The following PRKX variants were observed in gnomAD, a reference collection of about 807,000 sequenced individuals.
The protein encoded by PRKX is protein kinase cAMP-dependent X-linked catalytic subunit.
A neutral mutation model predicts 22.0 loss-of-function variants in PRKX; 12 were observed. The observed-to-expected ratio is 0.54, with a 90% confidence interval of 0.35 to 0.88. The LOEUF is 0.88. Ranked by LOEUF, PRKX falls within the 40% of genes least tolerant of loss-of-function variation. PRKX has a pLI of 0.01. For synonymous variants in PRKX, 134 were observed against 137.7 expected, an observed-to-expected ratio of 0.97 and a Z score of 0.19; for missense variants, 217 against 308.0, an observed-to-expected ratio of 0.70 and a Z score of 2.21.
chrX:3,671,797 G>C (rs776107162), intron 2 of PRKX, among the ~76,000 whole-genome samples: 13 of 110,767 alleles, frequency 1.2e-4, no homozygotes, highest in South Asian at 3.9e-4. Flanking sequence ...AGACTAGCCT[G>C]GGCAGCAAAG....
At chrX:3,693,956 A>G (rs1286991179) in intron 1 of PRKX, among the ~76,000 whole-genome samples, 13 of 107,430 alleles carry the variant, frequency 1.2e-4, no homozygotes, top group Non-Finnish European at 2.1e-4. Context: ...AAAAAAAAAA[A>G]AAAGAAAAGA....
intron 4 of PRKX, among the ~76,000 whole-genome samples, chrX:3,628,492 T>A (rs1463722813): frequency 2.7e-5 from 3 of 112,006 alleles, no homozygotes; most frequent in Non-Finnish European, 5.6e-5. Flanking sequence ...AGCATCACTG[T>A]CTACCCCATG....
intron 1 of PRKX, among the ~76,000 whole-genome samples, chrX:3,685,780 G>A (rs866658517): frequency 2.7e-5 from 3 of 110,544 alleles, no homozygotes; most frequent in Non-Finnish European, 5.7e-5. Flanking sequence ...GCTCGGTGGC[G>A]CATGTCTGTA....
At chrX:3,616,408 G>A (rs1381962237) in intron 6 of PRKX, among the ~76,000 whole-genome samples, 1 of 111,348 alleles carries the variant, frequency 9.0e-6, no homozygotes, top group Non-Finnish European at 1.9e-5. Flanking sequence ...AACAAGGTGC[G>A]TTCAAGTCGG....
Position 3,641,947 on chromosome X carries a change from G to A in PRKX, c.624C>T (p.Pro208=), listed in dbSNP as rs780690113. 65 of 799,926 alleles carry A rather than the reference G, an allele frequency of 8.1e-5. 1 individual carries two copies. Among genetic ancestry groups the A allele is most frequent in the Admixed American group, 1.4e-4 (4 of 27,925 alleles). The allele number at this position is 799,926 out of a possible 1,213,427, so 65.9% of individuals were successfully genotyped here. Residue 208 remains proline (P), a synonymous_variant, in exon 4 of 9, where the codon CCC becomes CCT. Transcript: ENST00000262848. The part of the protein sequence containing the change: ...VDRTWTLCGT[P]EYLAPEVIQS... ...GAATGACTTCGGGGGCTAGGTACTC[G>A]GGTGTTCCACAGAGGGTCCAAGTCC... is the stretch of plus-strand genomic sequence containing the variant.
At chrX:3,651,388 A>G (rs775119968) in intron 3 of PRKX, among the ~76,000 whole-genome samples, 1 of 112,407 alleles carries the variant, frequency 8.9e-6, no homozygotes, top group Non-Finnish European at 1.9e-5. Context: ...TTTTCTTTGA[A>G]TTAGACTTGC....
At chrX:3,706,604 G>A (rs534521096) in intron 1 of PRKX, among the ~76,000 whole-genome samples, 37 of 112,114 alleles carry the variant, frequency 3.3e-4, no homozygotes, top group South Asian at 1.5e-3. Context: ...TCATGCCTTC[G>A]CCCTCCTTTG....
At chrX:3,659,724 TTTTTG>T (rs1419776538) in intron 2 of PRKX, among the ~76,000 whole-genome samples, 1 of 26,987 alleles carries the variant, frequency 3.7e-5, no homozygotes, top group Non-Finnish European at 5.8e-5. Context: ...TTTGTTTTTT[TTTTTG>T]TTTTTTTTTT....
Position 3,605,479 on chromosome X carries a change from G to T in PRKX, c.*3490C>A. 9.0e-6 allele frequency: 1 copy of T among 111,148 alleles called. No individual in the cohort carries two copies. Among genetic ancestry groups the T allele is most frequent in the South Asian group, 3.9e-4 (1 of 2,592 alleles). The allele number at this position is 111,148 out of a possible 1,213,427, so 9.2% of individuals were successfully genotyped here. A position where few individuals can be genotyped will look rare whatever the true frequency, so the allele number is the denominator to read the frequency against. ...ACCTGGCTACAGAGTGGAGCCTTGGGGTCTTTAACAGTATTAAGCCATAGT... is the reference window on the plus strand; with the variant it reads ...ACCTGGCTACAGAGTGGAGCCTTGGTGTCTTTAACAGTATTAAGCCATAGT... On this transcript the variant is annotated 3_prime_UTR_variant, in exon 9 of 9. Transcript: ENST00000262848.
intron 1 of PRKX, among the ~76,000 whole-genome samples, chrX:3,705,112 C>T (rs1928655935): frequency 9.0e-6 from 1 of 111,676 alleles, no homozygotes; most frequent in South Asian, 3.8e-4. Context: ...CAAAACACGG[C>T]AGACTGGGGC....
At chrX:3,665,516 A>G (rs1232708016) in intron 2 of PRKX, among the ~76,000 whole-genome samples, 1 of 110,919 alleles carries the variant, frequency 9.0e-6, no homozygotes, top group Non-Finnish European at 1.9e-5. Flanking sequence ...GTATTCAAGC[A>G]GCTGAAATCA....
At chrX:3,655,506 A>G (rs758821550) in intron 2 of PRKX, 94 bp from the exon 3 acceptor site, 10 of 1,008,872 alleles carry the variant, frequency 9.9e-6, no homozygotes, top group Non-Finnish European at 1.4e-5. Context: ...GCAGCTAGAT[A>G]CCAAAATGTG....
chrX:3,678,229 A>C (rs1470402737), intron 1 of PRKX, among the ~76,000 whole-genome samples: 2 of 112,286 alleles, frequency 1.8e-5, no homozygotes, highest in Non-Finnish European at 3.8e-5. Flanking sequence ...TTCCAACAGA[A>C]CTTGCATATT....
At chrX:3,701,532 G>T (rs1177470221) in intron 1 of PRKX, among the ~76,000 whole-genome samples, 3 of 112,417 alleles carry the variant, frequency 2.7e-5, no homozygotes, top group Non-Finnish European at 5.6e-5. Context: ...TGCGATCTTT[G>T]AAGAATAATT....
intron 8 of PRKX, chrX:3,610,860 A>C (rs764253591): frequency 1.8e-5 from 2 of 111,946 alleles, no homozygotes; most frequent in African/African-American, 6.5e-5. Flanking sequence ...GGAGAGACAC[A>C]ATTTGTAAGA....
chrX:3,633,265 A>C (rs1320564602), intron 4 of PRKX, among the ~76,000 whole-genome samples: 24 of 106,250 alleles, frequency 2.3e-4, no homozygotes, highest in African/African-American at 5.5e-4. Context: ...AGAAAAAAAA[A>C]AAAAACAAAA....
At chrX:3,619,729 A>G (rs2160663) in intron 6 of PRKX, among the ~76,000 whole-genome samples, 8,360 of 111,166 alleles carry the variant, frequency 0.075, 273 homozygotes, top group African/African-American at 0.12. Flanking sequence ...AGGATGGGGA[A>G]AGCAGAAATT....
At chrX:3,637,306 T>A (rs1437899130) in intron 4 of PRKX, among the ~76,000 whole-genome samples, 1 of 111,001 alleles carries the variant, frequency 9.0e-6, no homozygotes, top group African/African-American at 3.3e-5. Context: ...CCTCATATGA[T>A]AACGAGCCTC....
At chrX:3,633,544 C>T (rs1926829250) in intron 4 of PRKX, among the ~76,000 whole-genome samples, 1 of 111,086 alleles carries the variant, frequency 9.0e-6, no homozygotes, top group Non-Finnish European at 1.9e-5. Flanking sequence ...GACTGGGCAA[C>T]AGAGCAAAAC....
Sources: allele counts gnomAD v4.1 joint callset (sites outside exome capture counted in the v4.1 genomes callset), GRCh38; gene constraint gnomAD v4.1.1; transcripts MANE v1.5; gene names NCBI Gene and HGNC (gene_info 2026-07-23, HGNC 2026-07-21).